Variants in TAF3 observed in about 807,000 individuals in gnomAD.
The protein encoded by TAF3 is transcription initiation factor TFIID subunit 3.
Under a neutral mutation model 80.6 loss-of-function variants are expected in TAF3, and 7 were observed. The observed-to-expected ratio is 0.09, with a 90% CI of 0.05 to 0.16. The LOEUF (loss-of-function observed/expected upper bound fraction) is 0.16. TAF3 is among the 10% of genes least tolerant of loss of function. The pLI, the probability that TAF3 is intolerant of heterozygous loss-of-function variation, is 1.00. For synonymous variants in TAF3, 444 were observed against 446.1 expected (o/e 1.00, Z 0.06); for missense variants, 921 against 1,140.2 (o/e 0.81, Z 2.77).
intron 2 of TAF3, among the ~76,000 whole-genome samples, chr10:7,854,701 A>G (rs970056119): frequency 6.6e-6 from 1 of 152,114 alleles, no homozygotes; most frequent in South Asian, 2.1e-4. Flanking sequence ...TCAGGAAGCT[A>G]GGGAAGAAAA....
chr10:7,934,456 TTTA>T, intron 2 of TAF3, among the ~76,000 whole-genome samples: 3 of 152,252 alleles, frequency 2.0e-5, no homozygotes, highest in Non-Finnish European at 2.9e-5. Flanking sequence ...TATTTATTTA[TTTA>T]TTTGAGACAG....
chr10:8,002,222 AC>A (rs1831951390), intron 4 of TAF3, among the ~76,000 whole-genome samples: 1 of 152,058 alleles, frequency 6.6e-6, no homozygotes, highest in Non-Finnish European at 1.5e-5. Context: ...ACACTTCCTG[AC>A]CTAAAATTGT....
At chr10:7,892,402 A>G (rs1405848502) in intron 2 of TAF3, among the ~76,000 whole-genome samples, 1 of 152,216 alleles carries the variant, frequency 6.6e-6, no homozygotes, top group African/African-American at 2.4e-5. Flanking sequence ...ACCATAATGT[A>G]CTTTTCTTTG....
chr10:8,008,721 C>G lies in TAF3; in HGVS notation c.2316-357C>G, dbSNP rs547468739. Among the ~76,000 whole-genome samples, 17 of 152,290 alleles carry G rather than the reference C, an allele frequency of 1.1e-4. No individual in the cohort carries two copies. In the South Asian group the frequency reaches 2.3e-3, roughly 20 times the overall value. On this transcript the variant is annotated intron_variant, in intron 4 of 6. Transcript: ENST00000344293. ...AAGGAGCAGCCCCTGTCAGGCCCCC[C>G]CGAGGACTCAGCAGAGGTGGGGGTG...
chr10:7,986,256 C>A (rs1831776186), intron 4 of TAF3, among the ~76,000 whole-genome samples: 1 of 152,048 alleles, frequency 6.6e-6, no homozygotes, highest in Non-Finnish European at 1.5e-5. Context: ...TTATTACTAG[C>A]TCATATTTCT....
intron 2 of TAF3, among the ~76,000 whole-genome samples, chr10:7,954,021 C>T (rs1449181502): frequency 5.7e-5 from 8 of 141,074 alleles, no homozygotes; most frequent in African/African-American, 1.8e-4. Context: ...ACAGAGCTCT[C>T]CATAGTGAGA....
intron 1 of TAF3, among the ~76,000 whole-genome samples, chr10:7,824,036 C>A (rs1836717345): frequency 6.6e-6 from 1 of 151,442 alleles, no homozygotes; most frequent in African/African-American, 2.4e-5. Flanking sequence ...TGCTTTTGAT[C>A]ATCTGTAAAC....
intron 4 of TAF3, among the ~76,000 whole-genome samples, chr10:7,979,111 G>A (rs563649097): frequency 7.2e-5 from 11 of 152,142 alleles, no homozygotes; most frequent in African/African-American, 1.2e-4. Context: ...TTGGGAGGCC[G>A]AGGCAGGTGG....
chr10:7,926,544 A>G (rs569201402), intron 2 of TAF3, among the ~76,000 whole-genome samples: 1 of 152,332 alleles, frequency 6.6e-6, no homozygotes, highest in South Asian at 2.1e-4. Context: ...TTAGCTTTTT[A>G]TATGTGAACA....
chr10:7,942,009 A>G (rs955927617), intron 2 of TAF3, among the ~76,000 whole-genome samples: 12 of 152,096 alleles, frequency 7.9e-5, no homozygotes, highest in African/African-American at 2.9e-4. Flanking sequence ...AGTCAGGAAT[A>G]TTTGTTTTGA....
At chr10:7,891,570 T>C (rs1252758758) in intron 2 of TAF3, among the ~76,000 whole-genome samples, 1 of 152,198 alleles carries the variant, frequency 6.6e-6, no homozygotes, top group East Asian at 1.9e-4. Flanking sequence ...CCAGTAACCT[T>C]TTAAAAAATG....
At chr10:7,977,524 AT>A (rs142490255) in intron 4 of TAF3, among the ~76,000 whole-genome samples, 13,800 of 150,398 alleles carry the variant, frequency 0.092, 667 homozygotes, top group South Asian at 0.15. Flanking sequence ...GACGTAAAGG[AT>A]TTTTTTTTTC....
chr10:7,985,864 G>C (rs957897725), intron 4 of TAF3, among the ~76,000 whole-genome samples: 14 of 146,206 alleles, frequency 9.6e-5, no homozygotes, highest in Non-Finnish European at 1.8e-4. Flanking sequence ...GCTCACTGCA[G>C]CCTCCGCCTC....
intron 2 of TAF3, among the ~76,000 whole-genome samples, chr10:7,859,930 A>G (rs1837127778): frequency 6.6e-6 from 1 of 152,192 alleles, no homozygotes; most frequent in Admixed American, 6.5e-5. Flanking sequence ...ATCTCATCCT[A>G]AATATGGCTA....
At chr10:7,995,467 T>G (rs538635121) in intron 4 of TAF3, among the ~76,000 whole-genome samples, 63 of 152,346 alleles carry the variant, frequency 4.1e-4, no homozygotes, top group Non-Finnish European at 7.2e-4. Flanking sequence ...ATTATTATCT[T>G]TCTAGTGTAT....
At chr10:7,867,033 C>T (rs1351048235) in intron 2 of TAF3, among the ~76,000 whole-genome samples, 3 of 152,066 alleles carry the variant, frequency 2.0e-5, no homozygotes, top group Non-Finnish European at 2.9e-5. Flanking sequence ...CCGAGGCAGG[C>T]GGATCACCTG....
chr10:7,930,257 G>A (rs1837855875), intron 2 of TAF3, among the ~76,000 whole-genome samples: 1 of 152,120 alleles, frequency 6.6e-6, no homozygotes, highest in African/African-American at 2.4e-5. Context: ...AGTTACATAA[G>A]CAAGATACAT....
chr10:7,921,046 C>T (rs1837758026), intron 2 of TAF3, among the ~76,000 whole-genome samples: 1 of 151,722 alleles, frequency 6.6e-6, no homozygotes, highest in Non-Finnish European at 1.5e-5. Context: ...TTCTCAGGAG[C>T]TCTTTTCTAG....
At chr10:7,960,760 A>G (rs1271577845) in intron 2 of TAF3, among the ~76,000 whole-genome samples, 1 of 152,188 alleles carries the variant, frequency 6.6e-6, no homozygotes, top group Non-Finnish European at 1.5e-5. Flanking sequence ...CCAATTTCCC[A>G]GATGGAGAGG....
Sources: gnomAD v4.1 joint callset for allele counts (sites outside exome capture counted in the v4.1 genomes callset) on GRCh38, gnomAD v4.1.1 for gene constraint, MANE v1.5 for transcripts, NCBI Gene and HGNC (gene_info 2026-07-23, HGNC 2026-07-21) for gene names.